MAPRE2: variants seen among roughly 807,000 people sequenced by gnomAD.
The protein encoded by MAPRE2 is microtubule associated protein RP/EB family member 2.
MAPRE2 carries 13 observed loss-of-function variants against 43.2 expected under a neutral mutation model. The observed-to-expected ratio is 0.30, with a 90% confidence interval of 0.20 to 0.48. MAPRE2 has a LOEUF of 0.48. Ranked by LOEUF, MAPRE2 falls within the 20% of genes least tolerant of loss-of-function variation. The probability of loss-of-function intolerance (pLI) is 0.99; values close to 1 mark genes in which losing one functional copy is unlikely to be tolerated. For missense variants in MAPRE2, 161 were observed against 400.2 expected, an observed-to-expected ratio of 0.40 and a Z score of 5.10; for synonymous variants, 135 against 148.8, an observed-to-expected ratio of 0.91 and a Z score of 0.68.
intron 2 of MAPRE2, among the ~76,000 whole-genome samples, chr18:35,091,867 G>T (rs635378): frequency 0.098 from 14,883 of 152,166 alleles, 845 homozygotes; most frequent in South Asian, 0.16. Context: ...TCTGAGACTG[G>T]GTAATGTATT....
At chr18:35,114,918 C>A (rs1349664942) in intron 4 of MAPRE2, among the ~76,000 whole-genome samples, 2 of 152,170 alleles carry the variant, frequency 1.3e-5, no homozygotes, top group East Asian at 3.8e-4. Flanking sequence ...AGCTGTAAAC[C>A]TCGCCAGGCC....
At position 35,132,094 on chromosome 18, in the gene MAPRE2, G is replaced by A; in HGVS notation, c.813G>A (p.Lys271=). 9 of 1,614,220 alleles carry A rather than the reference G, an allele frequency of 5.6e-6. No individual in the cohort carries two copies. The highest frequency in any genetic ancestry group is 7.6e-6 in the Non-Finnish European group (9 of 1,180,034). Residue 271 remains lysine (K), a synonymous_variant, in exon 6 of 7, where the codon AAG becomes AAA. Transcript: ENST00000300249. ...VEKERDFYFG[K]LREIELLCQE... ...AGGAAAGGGATTTCTACTTTGGGAA[G>A]TTGAGAGAGATCGAGCTACTCTGCC...
At chr18:35,020,115 C>T (rs1266113029) in intron 2 of MAPRE2, among the ~76,000 whole-genome samples, 2 of 152,070 alleles carry the variant, frequency 1.3e-5, no homozygotes, top group African/African-American at 4.8e-5. Context: ...ATGTGTTTGT[C>T]TCTGTTCTAA....
intron 2 of MAPRE2, among the ~76,000 whole-genome samples, chr18:35,033,260 A>G (rs1242142749): frequency 1.3e-5 from 2 of 152,208 alleles, no homozygotes; most frequent in Non-Finnish European, 2.9e-5. Context: ...AAAGACAAAA[A>G]CCACATGATT....
At chr18:35,057,102 C>T (rs115970491) in intron 1 of MAPRE2, among the ~76,000 whole-genome samples, 5,762 of 152,174 alleles carry the variant, frequency 0.038, 337 homozygotes, top group African/African-American at 0.13. Flanking sequence ...GCATCCTCCG[C>T]CCCCCTGGTT....
chr18:35,122,008 T>G (rs1277832219), intron 4 of MAPRE2, among the ~76,000 whole-genome samples: 1 of 152,128 alleles, frequency 6.6e-6, no homozygotes, highest in African/African-American at 2.4e-5. Flanking sequence ...CCCAGAAATT[T>G]TAGAGTGTGG....
At chr18:35,039,249 GT>G (rs1303883639), upstream of MAPRE2, among the ~76,000 whole-genome samples, 1 of 152,242 alleles carries the variant, frequency 6.6e-6, no homozygotes, top group Non-Finnish European at 1.5e-5. Flanking sequence ...AAAAGGGGAA[GT>G]TTTGTGAAAG....
intron 3 of MAPRE2, among the ~76,000 whole-genome samples, chr18:35,098,831 C>T (rs1908545141): frequency 6.6e-6 from 1 of 152,172 alleles, no homozygotes; most frequent in Non-Finnish European, 1.5e-5. Context: ...AGTATATACA[C>T]ACAGAATGGA....
At chr18:35,013,673 C>T (rs2097036270) in intron 2 of MAPRE2, among the ~76,000 whole-genome samples, 1 of 152,062 alleles carries the variant, frequency 6.6e-6, no homozygotes, top group Admixed American at 6.6e-5. Context: ...CCTTTCCTTC[C>T]CCCAACCCTT....
At chr18:35,118,159 A>G (rs2144218055) in intron 4 of MAPRE2, among the ~76,000 whole-genome samples, 1 of 152,260 alleles carries the variant, frequency 6.6e-6, no homozygotes, top group Admixed American at 6.5e-5. Context: ...TGAGACCACA[A>G]GTCAGCGAAG....
intron 1 of MAPRE2, among the ~76,000 whole-genome samples, chr18:35,063,999 TTAAAAAAA>T (rs1298884285): frequency 0.03 from 1,831 of 60,706 alleles, 68 homozygotes; most frequent in Non-Finnish European, 0.049. Flanking sequence ...CCCTGTCTCT[TTAAAAAAA>T]AAAAAAAAAA....
chr18:35,112,385 G>A (rs1909215497), intron 4 of MAPRE2, among the ~76,000 whole-genome samples: 1 of 151,988 alleles, frequency 6.6e-6, no homozygotes, highest in African/African-American at 2.4e-5. Flanking sequence ...TGGTCAGGCT[G>A]GTTTTGAACT....
At chr18:35,137,839 G>A (rs1303199638) in intron 6 of MAPRE2, among the ~76,000 whole-genome samples, 1 of 152,224 alleles carries the variant, frequency 6.6e-6, no homozygotes, top group African/African-American at 2.4e-5. Flanking sequence ...GCTGCAGGCA[G>A]TGAGAGAGGC....
intron 2 of MAPRE2, among the ~76,000 whole-genome samples, chr18:35,082,936 AT>A (rs1381766384): frequency 6.6e-6 from 1 of 152,016 alleles, no homozygotes; most frequent in Non-Finnish European, 1.5e-5. Context: ...TTCCATGTGT[AT>A]TTCTCCAGAC....
chr18:35,009,143 A>G (rs2150582225), intron 2 of MAPRE2, among the ~76,000 whole-genome samples: 1 of 152,280 alleles, frequency 6.6e-6, no homozygotes, highest in East Asian at 1.9e-4. Flanking sequence ...TTTAGTAAGA[A>G]AATAAGATGC....
At chr18:35,013,173 T>C (rs1159649683) in intron 2 of MAPRE2, among the ~76,000 whole-genome samples, 1 of 152,006 alleles carries the variant, frequency 6.6e-6, no homozygotes, top group Non-Finnish European at 1.5e-5. Flanking sequence ...TGCAAGAAGT[T>C]GAGGAGGAAG....
At chr18:35,062,631 C>T (rs1022599757) in intron 1 of MAPRE2, among the ~76,000 whole-genome samples, 2 of 152,174 alleles carry the variant, frequency 1.3e-5, no homozygotes, top group African/African-American at 4.8e-5. Flanking sequence ...GCAAAGAAAG[C>T]CATTCTTTTG....
intron 3 of MAPRE2, among the ~76,000 whole-genome samples, chr18:35,098,360 G>C (rs1908520762): frequency 6.6e-6 from 1 of 152,116 alleles, no homozygotes; most frequent in Non-Finnish European, 1.5e-5. Context: ...ATGGAAAACT[G>C]TTCTTTGCAT....
At chr18:35,080,922 T>G (rs557042705) in intron 2 of MAPRE2, among the ~76,000 whole-genome samples, 9 of 152,182 alleles carry the variant, frequency 5.9e-5, no homozygotes, top group Non-Finnish European at 8.8e-5. Flanking sequence ...ATATTAATAC[T>G]CATAAGCTTT....
Sources: allele counts gnomAD v4.1 joint callset (sites outside exome capture counted in the v4.1 genomes callset), GRCh38; gene constraint gnomAD v4.1.1; transcripts MANE v1.5; gene names NCBI Gene and HGNC (gene_info 2026-07-23, HGNC 2026-07-21).